Variants in FMN2 observed in about 807,000 individuals in gnomAD.
FMN2 encodes the protein formin-2.
In FMN2, 51 loss-of-function variants were observed where a neutral mutation model predicts 142.3. The observed-to-expected ratio is 0.36, with a 90% CI of 0.29 to 0.45. The LOEUF (loss-of-function observed/expected upper bound fraction) is 0.45, where lower values mean the gene tolerates loss of function less well. FMN2 is among the 20% of genes least tolerant of loss of function. FMN2 has a pLI of 1.00. For missense variants in FMN2, 1,936 were observed against 2,122.8 expected (o/e 0.91, Z 1.73); for synonymous variants, 882 against 869.8 (o/e 1.01, Z -0.25).
chr1:240,212,572 G>A (rs1465005917), intron 6 of FMN2, among the ~76,000 whole-genome samples: 1 of 152,182 alleles, frequency 6.6e-6, no homozygotes, highest in East Asian at 1.9e-4. Flanking sequence ...GCTATGTCCA[G>A]TAGTGATTAA....
intron 16 of FMN2, among the ~76,000 whole-genome samples, chr1:240,439,979 T>A (rs890062940): frequency 2.0e-5 from 3 of 152,182 alleles, no homozygotes; most frequent in Non-Finnish European, 4.4e-5. Context: ...AAAAGAGTCG[T>A]GTTTCCCCTT....
At chr1:240,239,754 G>A (rs112755830) in intron 6 of FMN2, among the ~76,000 whole-genome samples, 3 of 152,178 alleles carry the variant, frequency 2.0e-5, no homozygotes, top group African/African-American at 4.8e-5. Context: ...GAAGCAAAAC[G>A]CCTGAATACC....
chr1:240,135,149 A>G (rs1283729865), intron 2 of FMN2, among the ~76,000 whole-genome samples: 1 of 152,190 alleles, frequency 6.6e-6, no homozygotes, highest in East Asian at 1.9e-4. Context: ...CTAGCACCTC[A>G]CCAAAGAATA....
chr1:240,207,118 GC>G lies in FMN2; in HGVS notation c.2312del (p.Pro771LeufsTer17), dbSNP rs752691173. 6.2e-7 allele frequency: 1 copy of G among 1,614,096 alleles called. No individual in the cohort carries two copies. ...GATGGGCTGCCAGGGCGTCCTCCAT[GC>G]CCCCCTGGGGCTGAAAGTGGACCTC... ...PVDGLPGRPP[C>X]PPGAESGPQT... On this transcript the variant is annotated frameshift_variant, in exon 5 of 18. Transcript: ENST00000319653. LOFTEE classifies it high-confidence loss of function.
At chr1:240,309,372 G>A (rs370499894) in intron 8 of FMN2, among the ~76,000 whole-genome samples, 2 of 152,142 alleles carry the variant, frequency 1.3e-5, no homozygotes, top group East Asian at 1.9e-4. Context: ...GCATGCAGGA[G>A]TTAGGATGCT....
At chr1:240,453,906 G>A (rs1316955895) in intron 16 of FMN2, among the ~76,000 whole-genome samples, 1 of 56,270 alleles carries the variant, frequency 1.8e-5, no homozygotes, top group Non-Finnish European at 4.4e-5. Context: ...GGAGAATGGC[G>A]TGAACCCGGG....
At chr1:240,168,014 G>A (rs971545942) in intron 2 of FMN2, among the ~76,000 whole-genome samples, 1 of 152,124 alleles carries the variant, frequency 6.6e-6, no homozygotes, top group Non-Finnish European at 1.5e-5. Context: ...TTGCGCCACC[G>A]CACTCTAGCC....
chr1:240,398,380 C>G (rs899359880), intron 15 of FMN2, among the ~76,000 whole-genome samples: 1 of 152,042 alleles, frequency 6.6e-6, no homozygotes, highest in South Asian at 2.1e-4. Flanking sequence ...ATTGTCTTAG[C>G]AAACTAGTAA....
rs1473698732 is a variant in FMN2 at position 240,093,074 on chromosome 1, C to T, written c.965C>T (p.Ala322Val). ...GCCAAAGACTCGCCCTCCTCCACGG[C>T]TTTCCCATTTCCCGAGGCCGGGCCG... ...PAAKDSPSST[A>V]FPFPEAGPGE... Residue 322 changes from alanine to valine, a missense_variant, in exon 1 of 18, where the codon GCT becomes GTT. By Grantham distance (64) the Ala-to-Val change is moderately conservative. Coordinates refer to ENST00000319653, the MANE Select transcript of FMN2 (RefSeq NM_020066.5). 6 of 1,396,546 alleles carry T rather than the reference C, an allele frequency of 4.3e-6. No homozygotes were observed. Among genetic ancestry groups the T allele is most frequent in the Non-Finnish European group, 5.5e-6 (6 of 1,085,136 alleles). The allele number at this position is 1,396,546 out of a possible 1,614,324, so 86.5% of individuals were successfully genotyped here.
At position 240,207,140 on chromosome 1, in the gene FMN2, A is replaced by T. The variant is rs756928787; in HGVS notation, c.2328A>T (p.Gly776=). 3.6e-5 allele frequency: 58 copies of T among 1,613,946 alleles called. No homozygotes were observed. Among genetic ancestry groups the T allele is most frequent in the Middle Eastern group, 1.6e-4 (1 of 6,082 alleles). Residue 776 remains glycine, a synonymous_variant, in exon 5 of 18, where the codon GGA becomes GGT. Transcript: ENST00000319653. ...RPPCPPGAES[G]PQTKFCSEIS... ...CATGCCCCCCTGGGGCTGAAAGTGG[A>T]CCTCAGACAAAGTTCTGTTCAGAGA...
chr1:240,328,508 T>G (rs1671270568), intron 8 of FMN2, among the ~76,000 whole-genome samples: 1 of 151,916 alleles, frequency 6.6e-6, no homozygotes, highest in Non-Finnish European at 1.5e-5. Flanking sequence ...AATAACATTA[T>G]TTGGAAGATT....
intron 14 of FMN2, among the ~76,000 whole-genome samples, chr1:240,379,449 AG>A (rs1355616476): frequency 6.6e-6 from 1 of 152,132 alleles, no homozygotes; most frequent in Non-Finnish European, 1.5e-5. Context: ...TTTTCTGCAA[AG>A]TATTTCCTCT....
At chr1:240,121,150 CA>C (rs112892593) in intron 1 of FMN2, among the ~76,000 whole-genome samples, 4,555 of 141,168 alleles carry the variant, frequency 0.032, 163 homozygotes, top group African/African-American at 0.096. Flanking sequence ...AAGTCTATCT[CA>C]AAAAAAAAAA....
chr1:240,129,842 TGAG>T (rs893506757), intron 2 of FMN2, among the ~76,000 whole-genome samples: 20 of 152,166 alleles, frequency 1.3e-4, no homozygotes, highest in Non-Finnish European at 2.2e-4. Flanking sequence ...CGGTCATGCA[TGAG>T]GATTTAGCTC....
intron 15 of FMN2, among the ~76,000 whole-genome samples, chr1:240,435,400 C>A (rs1675331458): frequency 1.3e-5 from 2 of 151,148 alleles, no homozygotes; most frequent in East Asian, 1.9e-4. Context: ...AAAAAAAAAT[C>A]TTCAGAGAAC....
chr1:240,298,657 T>C (rs1670078389), intron 8 of FMN2, among the ~76,000 whole-genome samples: 1 of 152,154 alleles, frequency 6.6e-6, no homozygotes, highest in African/African-American at 2.4e-5. Context: ...GAACTGCGTA[T>C]GCACGGGATC....
intron 15 of FMN2, among the ~76,000 whole-genome samples, chr1:240,395,910 G>A (rs1045568523): frequency 3.9e-5 from 6 of 152,186 alleles, no homozygotes; most frequent in African/African-American, 1.4e-4. Flanking sequence ...GCTCTACTGT[G>A]AGTAAAGTGC....
At chr1:240,343,540 G>A (rs1198012796) in intron 13 of FMN2, among the ~76,000 whole-genome samples, 1 of 152,152 alleles carries the variant, frequency 6.6e-6, no homozygotes, top group African/African-American at 2.4e-5. Flanking sequence ...AGTAACAACC[G>A]TGATAAAATA....
intron 1 of FMN2, among the ~76,000 whole-genome samples, chr1:240,097,557 G>C (rs545751347): frequency 6.6e-6 from 1 of 152,056 alleles, no homozygotes; most frequent in South Asian, 2.1e-4. Context: ...GGGTTTCACC[G>C]TGTTAGCCAG....
Sources: allele counts gnomAD v4.1 joint callset (sites outside exome capture counted in the v4.1 genomes callset), GRCh38; gene constraint gnomAD v4.1.1; transcripts MANE v1.5; gene names NCBI Gene and HGNC (gene_info 2026-07-23, HGNC 2026-07-21).